Variants in FAAP20 observed in about 807,000 individuals in gnomAD.
The protein encoded by FAAP20 is Fanconi anemia core complex-associated protein 20.
FAAP20 carries 12 observed loss-of-function variants against 16.2 expected under a neutral mutation model. That is an observed-to-expected ratio of 0.74 (90% CI 0.48 to 1.20). The LOEUF is 1.20. Ranked by LOEUF, FAAP20 falls within the 50% of genes most tolerant of loss-of-function variation. The pLI, the probability that FAAP20 is intolerant of heterozygous loss-of-function variation, is 0.00. For missense variants in FAAP20, 288 were observed against 245.8 expected (o/e 1.17, Z -1.15); for synonymous variants, 141 against 110.7 (o/e 1.27, Z -1.72).
downstream of FAAP20, chr1:2,185,460 A>C (rs569078307): frequency 2.8e-6 from 2 of 718,424 alleles, no homozygotes; most frequent in East Asian, 2.7e-5. Flanking sequence ...ACCCACACGT[A>C]GGGGGGCAGC....
At chr1:2,203,243 C>T (rs1689115472), upstream of FAAP20, among the ~76,000 whole-genome samples, 1 of 152,222 alleles carries the variant, frequency 6.6e-6, no homozygotes, top group African/African-American at 2.4e-5. Flanking sequence ...GGGGCCAAGG[C>T]ACAGCTAGGA....
downstream of FAAP20, among the ~76,000 whole-genome samples, chr1:2,186,496 G>C (rs1269006185): frequency 0.011 from 1,218 of 111,494 alleles, no homozygotes; most frequent in Non-Finnish European, 0.012. Context: ...CTGGACACCC[G>C]CCCCCCCCCG....
chr1:2,197,715 G>A (rs1173176501), upstream of FAAP20, among the ~76,000 whole-genome samples: 2 of 152,254 alleles, frequency 1.3e-5, no homozygotes, highest in Non-Finnish European at 2.9e-5. Flanking sequence ...TTCCCCTCCA[G>A]TTTATCTGCT....
intron 3 of FAAP20, among the ~76,000 whole-genome samples, chr1:2,206,124 G>A (rs1167638330): frequency 6.6e-6 from 1 of 152,230 alleles, no homozygotes; most frequent in Admixed American, 6.5e-5. Flanking sequence ...TCACTTCCCT[G>A]TTGGTACTCA....
downstream of FAAP20, chr1:2,187,141 T>A (rs1557771865): frequency 2.1e-6 from 1 of 469,458 alleles, no homozygotes; most frequent in East Asian, 7.0e-5. Context: ...GCTGGCCGGC[T>A]CTCCTGTGGA....
chr1:2,209,723 A>C (rs1689385297), downstream of FAAP20, among the ~76,000 whole-genome samples: 1 of 152,110 alleles, frequency 6.6e-6, no homozygotes, highest in Non-Finnish European at 1.5e-5. Context: ...CGGCCACCCC[A>C]CTTTGTGCAG....
At chr1:2,187,241 A>C, downstream of FAAP20, 1 of 457,242 alleles carries the variant, frequency 2.2e-6, no homozygotes, top group South Asian at 1.7e-5. Context: ...TATTTTCATT[A>C]AAAGCAGGTG....
chr1:2,189,695 C>G lies in FAAP20; in HGVS notation c.*14G>C, dbSNP rs1008606926. ...TCCGGGCGCCGCACTCTGCGCAGGG[C>G]TCTTGGATGGCGCTCACCACGTCAC... is the stretch of plus-strand genomic sequence containing the variant. On this transcript the variant is annotated 3_prime_UTR_variant, in exon 4 of 4. Transcript: ENST00000378546. 6.2e-7 allele frequency: 1 copy of G among 1,606,560 alleles called. No individual in the cohort carries two copies. The highest frequency in any genetic ancestry group is 8.5e-7 in the Non-Finnish European group (1 of 1,175,598).
chr1:2,208,380 T>G (rs916317742), downstream of FAAP20, among the ~76,000 whole-genome samples: 2 of 152,156 alleles, frequency 1.3e-5, no homozygotes, highest in Non-Finnish European at 2.9e-5. Context: ...GCCCCCCTCC[T>G]GGCAAGCGGA....
At chr1:2,197,480 C>T (rs2100720236), upstream of FAAP20, among the ~76,000 whole-genome samples, 1 of 152,344 alleles carries the variant, frequency 6.6e-6, no homozygotes, top group South Asian at 2.1e-4. Context: ...TGCAGGGGAC[C>T]TCAGGGCTGG....
At chr1:2,190,794 T>G (rs1270488820) in intron 3 of FAAP20, 1 of 248,980 alleles carries the variant, frequency 4.0e-6, no homozygotes, top group Non-Finnish European at 8.3e-6. Context: ...ACAGGACACG[T>G]GTCCCTGTGT....
chr1:2,188,801 C>G (rs941762544), downstream of FAAP20, among the ~76,000 whole-genome samples: 136 of 151,424 alleles, frequency 9.0e-4, no homozygotes, highest in African/African-American at 3.2e-3. Flanking sequence ...GTCAGGAGAT[C>G]AAGACCATCC....
chr1:2,211,441 T>A (rs1199201104), downstream of FAAP20, among the ~76,000 whole-genome samples: 175 of 41,406 alleles, frequency 4.2e-3, no homozygotes, highest in Non-Finnish European at 5.1e-3. Flanking sequence ...ATATATTTTT[T>A]TTTTTTTTTT....
At chr1:2,196,037 G>C (rs995327850), upstream of FAAP20, among the ~76,000 whole-genome samples, 3 of 152,160 alleles carry the variant, frequency 2.0e-5, no homozygotes, top group African/African-American at 7.2e-5. The surrounding 1 kb of genome is among the most constrained non-coding windows in gnomAD (Gnocchi z 4.5). Context: ...CCTGTGGCTG[G>C]GCCTGCTCTC....
upstream of FAAP20, chr1:2,194,887 T>G (rs2100705695): frequency 2.5e-6 from 2 of 784,982 alleles, no homozygotes; most frequent in African/African-American, 1.9e-5. Context: ...GGGGCCCTGA[T>G]CCCAGCCTGT....
At chr1:2,184,996 A>G, downstream of FAAP20, 2 of 1,613,182 alleles carry the variant, frequency 1.2e-6, no homozygotes, top group Non-Finnish European at 8.5e-7. Context: ...CTGTCCACCG[A>G]GGAGTCGGTG....
At chr1:2,192,400 T>A in intron 3 of FAAP20, 1 of 994,478 alleles carries the variant, frequency 1.0e-6, no homozygotes, top group Non-Finnish European at 1.2e-6. Context: ...ATTGAGGCAG[T>A]CTGCCAAGCT....
At position 2,190,684 on chromosome 1, in the gene FAAP20, C is replaced by G. The variant is rs1194265154; in HGVS notation, c.471-903G>C. On this transcript the variant is annotated intron_variant, in intron 3 of 3. Coordinates refer to ENST00000378546, the MANE Select transcript of FAAP20 (RefSeq NM_182533.4). ...TGGGCGGCTTCAGCCTAGACTTGGG[C>G]CTAGATCTTGCTGGAGGCCAAGTGG... is the stretch of plus-strand genomic sequence containing the variant. 3 of 330,926 alleles carry G rather than the reference C, an allele frequency of 9.1e-6. No homozygotes were observed. In the Admixed American group the frequency reaches 1.2e-4, roughly 13 times the overall value. 20.5% of individuals were successfully genotyped at this position (330,926 alleles called of 1,614,324 possible). A position where few individuals can be genotyped will look rare whatever the true frequency, so the allele number is the denominator to read the frequency against.
chr1:2,192,078 T>C, intron 3 of FAAP20: 1 of 985,492 alleles, frequency 1.0e-6, no homozygotes. Flanking sequence ...AGCAGGCGCC[T>C]GTGCGGGACA....
Sources: allele counts gnomAD v4.1 joint callset (sites outside exome capture counted in the v4.1 genomes callset), GRCh38; gene constraint gnomAD v4.1.1; non-coding constraint Gnocchi (gnomAD v3.1); transcripts MANE v1.5; gene names NCBI Gene and HGNC (gene_info 2026-07-23, HGNC 2026-07-21).